ARHGAP28: variants seen among roughly 807,000 people sequenced by gnomAD.
The protein encoded by ARHGAP28 is Rho GTPase activating protein 28.
In ARHGAP28, 56 loss-of-function variants were observed where a neutral mutation model predicts 90.7. The ratio of observed to expected loss-of-function variants is 0.62; its 90% CI spans 0.50 to 0.77. The LOEUF is 0.77. Among genes scored for constraint, ARHGAP28 ranks in the 30% least tolerant of loss-of-function variants. The probability of loss-of-function intolerance (pLI) is 0.00; values close to 1 mark genes in which losing one functional copy is unlikely to be tolerated. For synonymous variants in ARHGAP28, 308 were observed against 323.3 expected, an observed-to-expected ratio of 0.95 and a Z score of 0.51; for missense variants, 869 against 900.9, an observed-to-expected ratio of 0.96 and a Z score of 0.45.
chr18:6,890,567 C>A (rs968062150), intron 14 of ARHGAP28, 24 bp downstream of exon 14: 5 of 1,446,308 alleles, frequency 3.5e-6, no homozygotes, highest in East Asian at 4.5e-5. Context: ...TGAGGCATGG[C>A]GATTGTCCAC....
chr18:6,784,272 A>G (rs2056349692), intron 1 of ARHGAP28, among the ~76,000 whole-genome samples: 1 of 152,120 alleles, frequency 6.6e-6, no homozygotes, highest in Non-Finnish European at 1.5e-5. Flanking sequence ...AGAATGTTAG[A>G]TTCTGCCCCA....
intron 2 of ARHGAP28, among the ~76,000 whole-genome samples, chr18:6,831,480 T>C (rs59703768): frequency 5.5e-5 from 8 of 144,312 alleles, no homozygotes; most frequent in Non-Finnish European, 9.2e-5. Flanking sequence ...TGTTTTTTTT[T>C]TTTTTTTCTT....
chr18:6,840,547 G>C (rs2056798717), intron 3 of ARHGAP28, among the ~76,000 whole-genome samples: 1 of 152,172 alleles, frequency 6.6e-6, no homozygotes, highest in African/African-American at 2.4e-5. Flanking sequence ...GCTTCACTGA[G>C]ACAGGCAAAT....
chr18:6,737,705 T>C (rs762123440), intron 1 of ARHGAP28, among the ~76,000 whole-genome samples: 1 of 152,224 alleles, frequency 6.6e-6, no homozygotes, highest in Non-Finnish European at 1.5e-5. Context: ...TGAAGTTTCA[T>C]ACATTATTTC....
At chr18:6,900,428 T>C (rs1202523980) in intron 16 of ARHGAP28, among the ~76,000 whole-genome samples, 1 of 151,672 alleles carries the variant, frequency 6.6e-6, no homozygotes, top group Admixed American at 6.6e-5. Flanking sequence ...CTGAAACAAA[T>C]GAAAAAGTAG....
At chr18:6,843,232 C>A (rs1469491149) in intron 3 of ARHGAP28, among the ~76,000 whole-genome samples, 1 of 151,978 alleles carries the variant, frequency 6.6e-6, no homozygotes, top group Non-Finnish European at 1.5e-5. Context: ...CCTACAACAC[C>A]CTCACTGGGA....
chr18:6,899,853 G>T (rs2057329047), intron 16 of ARHGAP28, among the ~76,000 whole-genome samples: 1 of 152,088 alleles, frequency 6.6e-6, no homozygotes, highest in Non-Finnish European at 1.5e-5. Flanking sequence ...GCCCTTACTA[G>T]TACCAGTAAG....
chr18:6,729,976 G>C lies in ARHGAP28; in HGVS notation c.122+33G>C, dbSNP rs557807675. ...GAGCCGCTCCCACCAGGGCGGCGCA[G>C]TCGCGCTGGGCTTGGGGGGTTCGCC... On this transcript the variant is annotated intron_variant, in intron 1 of 17. Coordinates refer to ENST00000383472, the MANE Select transcript of ARHGAP28 (RefSeq NM_001366230.1). 2.9e-4 allele frequency: 383 copies of C among 1,321,738 alleles called. 4 individuals are homozygous for C. The South Asian group carries it at 6.7e-3, about 23-fold the overall frequency. The allele number at this position is 1,321,738 out of a possible 1,614,324, so 81.9% of individuals were successfully genotyped here.
At chr18:6,796,793 A>G (rs2056445004) in intron 1 of ARHGAP28, among the ~76,000 whole-genome samples, 1 of 151,852 alleles carries the variant, frequency 6.6e-6, no homozygotes, top group Non-Finnish European at 1.5e-5. Flanking sequence ...AAAATGAACT[A>G]CTTGTTTTTC....
intron 5 of ARHGAP28, among the ~76,000 whole-genome samples, chr18:6,867,585 T>A (rs1260957421): frequency 6.6e-6 from 1 of 152,144 alleles, no homozygotes; most frequent in Admixed American, 6.6e-5. Context: ...TCTGGCAGGA[T>A]TTCAATTTAA....
At chr18:6,779,114 C>A (rs2056305501) in intron 1 of ARHGAP28, 1 of 152,340 alleles carries the variant, frequency 6.6e-6, no homozygotes, top group East Asian at 1.9e-4. Context: ...GAAGTGTTTC[C>A]TTTAATGTCA....
At chr18:6,733,814 T>G (rs1471604115) in intron 1 of ARHGAP28, among the ~76,000 whole-genome samples, 2 of 152,228 alleles carry the variant, frequency 1.3e-5, no homozygotes, top group African/African-American at 4.8e-5. Context: ...TTTGGTCAAC[T>G]GATTTGATAT....
chr18:6,832,181 T>C (rs2056721553), intron 2 of ARHGAP28, among the ~76,000 whole-genome samples: 1 of 152,066 alleles, frequency 6.6e-6, no homozygotes, highest in Admixed American at 6.5e-5. Context: ...AAATGTTTTC[T>C]CAATTTCTTT....
At chr18:6,839,614 A>G (rs984531688) in intron 3 of ARHGAP28, among the ~76,000 whole-genome samples, 4 of 152,156 alleles carry the variant, frequency 2.6e-5, no homozygotes, top group Non-Finnish European at 4.4e-5. Context: ...TTTTAGATTA[A>G]GAGTTAGTGC....
intron 5 of ARHGAP28, among the ~76,000 whole-genome samples, chr18:6,867,137 A>G (rs561558844): frequency 6.6e-6 from 1 of 152,296 alleles, no homozygotes; most frequent in Non-Finnish European, 1.5e-5. Flanking sequence ...TTGGACATCT[A>G]TTCATACACC....
intron 1 of ARHGAP28, among the ~76,000 whole-genome samples, chr18:6,746,618 C>T (rs1279736067): frequency 2.6e-5 from 4 of 152,204 alleles, no homozygotes; most frequent in Admixed American, 6.5e-5. Flanking sequence ...TACAATCTCT[C>T]ATTTTTAAGT....
At position 6,824,748 on chromosome 18, in the gene ARHGAP28, T is replaced by C. The variant is rs2056649991; in HGVS notation, c.123-14T>C. ...ATAACCCGTTTTTATTCATAGATATTATTCTTTCCTCAGAAAATCCATTCC... is the reference window on the plus strand; with the variant it reads ...ATAACCCGTTTTTATTCATAGATATCATTCTTTCCTCAGAAAATCCATTCC... On this transcript the variant is annotated splice_polypyrimidine_tract_variant and intron_variant, in intron 1 of 17. Coordinates refer to ENST00000383472, the MANE Select transcript of ARHGAP28 (RefSeq NM_001366230.1). The C allele has an allele frequency of 3.9e-6, 6 of 1,527,220 alleles. No homozygotes were observed. The highest frequency in any genetic ancestry group is 5.2e-6 in the Non-Finnish European group (6 of 1,143,870). The allele number at this position is 1,527,220 out of a possible 1,614,324, so 94.6% of individuals were successfully genotyped here. A position where few individuals can be genotyped will look rare whatever the true frequency, so the allele number is the denominator to read the frequency against.
intron 17 of ARHGAP28, among the ~76,000 whole-genome samples, chr18:6,910,055 T>C (rs1395061879): frequency 2.0e-5 from 3 of 152,202 alleles, no homozygotes; most frequent in Non-Finnish European, 4.4e-5. Flanking sequence ...TTCCTCCTTG[T>C]TATCTCTTGA....
At chr18:6,904,617 G>A (rs77276466) in intron 16 of ARHGAP28, among the ~76,000 whole-genome samples, 3,377 of 151,938 alleles carry the variant, frequency 0.022, 60 homozygotes, top group Non-Finnish European at 0.034. Flanking sequence ...TTAAAAACAG[G>A]AAAACGAGAA....
Sources: allele counts gnomAD v4.1 joint callset (sites outside exome capture counted in the v4.1 genomes callset), GRCh38; gene constraint gnomAD v4.1.1; transcripts MANE v1.5; gene names NCBI Gene and HGNC (gene_info 2026-07-23, HGNC 2026-07-21).